GRIP1: variants seen among roughly 807,000 people sequenced by gnomAD.
GRIP1 encodes glutamate receptor-interacting protein 1.
GRIP1 carries 45 observed loss-of-function variants against 129.9 expected under a neutral mutation model. That is an observed-to-expected ratio of 0.35 (90% CI 0.27 to 0.44). GRIP1 has a LOEUF of 0.44. Ranked by LOEUF, GRIP1 falls within the 20% of genes least tolerant of loss-of-function variation. GRIP1 has a pLI of 1.00. For synonymous variants in GRIP1, 530 were observed against 520.8 expected (o/e 1.02, Z -0.24); for missense variants, 1,196 against 1,396.8 (o/e 0.86, Z 2.29).
intron 1 of GRIP1, among the ~76,000 whole-genome samples, chr12:66,889,689 T>C (rs2040625062): frequency 6.6e-6 from 1 of 152,228 alleles, no homozygotes; most frequent in African/African-American, 2.4e-5. Context: ...CTTAAGCTCA[T>C]AGTTTATTCT....
chr12:66,826,444 A>C (rs2039415277), intron 1 of GRIP1, among the ~76,000 whole-genome samples: 1 of 152,204 alleles, frequency 6.6e-6, no homozygotes, highest in South Asian at 2.1e-4. Context: ...CAGAACTTAA[A>C]GTATAAAAAA....
intron 1 of GRIP1, among the ~76,000 whole-genome samples, chr12:66,607,005 GAGAGAGAGAA>G (rs1257045805): frequency 7.1e-5 from 10 of 139,884 alleles, no homozygotes; most frequent in Admixed American, 6.9e-4. Context: ...GAGAGAGAGA[GAGAGAGAGAA>G]AGAGAGAGAG....
intron 23 of GRIP1, among the ~76,000 whole-genome samples, chr12:66,354,453 C>A (rs1036866349): frequency 1.6e-4 from 25 of 152,338 alleles, no homozygotes; most frequent in African/African-American, 5.8e-4. Flanking sequence ...CAGAGGCACA[C>A]ACATGAATAT....
chr12:66,841,190 G>A (rs554159179), intron 1 of GRIP1, among the ~76,000 whole-genome samples: 1 of 152,122 alleles, frequency 6.6e-6, no homozygotes, highest in Non-Finnish European at 1.5e-5. Context: ...ACGAAAATCT[G>A]AAAATCTGAG....
At chr12:66,396,248 C>T (rs2056784109) in intron 16 of GRIP1, among the ~76,000 whole-genome samples, 1 of 152,140 alleles carries the variant, frequency 6.6e-6, no homozygotes, top group Non-Finnish European at 1.5e-5. Context: ...TCAATGGGTG[C>T]CAAGCATTTT....
chr12:67,038,001 T>TAA (rs1166268779), intron 1 of GRIP1, among the ~76,000 whole-genome samples: 30 of 152,278 alleles, frequency 2.0e-4, no homozygotes, highest in African/African-American at 7.0e-4. Flanking sequence ...AAAAACTACT[T>TAA]ATCAACTTCA....
chr12:66,490,511 A>C (rs1395476395), intron 7 of GRIP1, among the ~76,000 whole-genome samples: 1 of 152,230 alleles, frequency 6.6e-6, no homozygotes, highest in East Asian at 1.9e-4. Context: ...TGTTAAACCC[A>C]AAACTATAAA....
At chr12:66,608,553 G>A (rs1344930342) in intron 1 of GRIP1, among the ~76,000 whole-genome samples, 1 of 152,046 alleles carries the variant, frequency 6.6e-6, no homozygotes, top group South Asian at 2.1e-4. Flanking sequence ...GGCTGTTCTC[G>A]AACTCCTGAC....
intron 1 of GRIP1, among the ~76,000 whole-genome samples, chr12:66,821,429 C>G (rs1338072066): frequency 2.0e-5 from 3 of 152,104 alleles, no homozygotes; most frequent in African/African-American, 4.8e-5. Context: ...AAGTCCAAAA[C>G]ACCCTGACAT....
intron 1 of GRIP1, among the ~76,000 whole-genome samples, chr12:66,695,292 CA>C (rs1454604677): frequency 3.3e-5 from 5 of 150,890 alleles, no homozygotes; most frequent in African/African-American, 1.2e-4. Flanking sequence ...TTTTTTATGG[CA>C]TCTGTTTACA....
At chr12:66,579,588 G>T in intron 2 of GRIP1, among the ~76,000 whole-genome samples, 1 of 152,156 alleles carries the variant, frequency 6.6e-6, no homozygotes, top group South Asian at 2.1e-4. Context: ...GAAAGCCAAG[G>T]CTCGAGAACT....
intron 1 of GRIP1, among the ~76,000 whole-genome samples, chr12:66,956,865 A>G (rs941565220): frequency 4.6e-5 from 7 of 152,176 alleles, no homozygotes; most frequent in African/African-American, 9.7e-5. Context: ...TAACATATCT[A>G]TATTTATTTC....
chr12:66,567,170 T>C lies in GRIP1; in HGVS notation c.137-25220A>G, dbSNP rs145091952. On this transcript the variant is annotated intron_variant, in intron 2 of 24. Coordinates refer to ENST00000359742, the MANE Select transcript of GRIP1 (RefSeq NM_001366722.1). Reference sequence around the variant, plus strand: ...GTTATTTCTTGCCTTCAGCTAGCTTTTGAATGTGTTTGCTCTTGCTTCTAT... The same window carrying C: ...GTTATTTCTTGCCTTCAGCTAGCTTCTGAATGTGTTTGCTCTTGCTTCTAT... Among the ~76,000 whole-genome samples, 1,498 of 152,318 alleles carry C rather than the reference T, an allele frequency of 9.8e-3. 33 individuals carry two copies. Among genetic ancestry groups the C allele is most frequent in the African/African-American group, 0.033 (1,377 of 41,564 alleles).
chr12:66,602,377 C>T lies in GRIP1; in HGVS notation c.56-5450G>A, dbSNP rs548580739. Among the ~76,000 whole-genome samples, 9 of 113,882 alleles carry T rather than the reference C, an allele frequency of 7.9e-5. No homozygotes were observed. In the South Asian group the frequency reaches 1.9e-3, roughly 24 times the overall value. 74.7% of individuals were successfully genotyped at this position (113,882 alleles called of 152,430 possible). ...CTCTTCTTGCTAAAATGATGTGTAA[C>T]TACAATCACGGGGGCCCCGCATAAT... On this transcript the variant is annotated intron_variant, in intron 1 of 24. Coordinates refer to ENST00000359742, the MANE Select transcript of GRIP1 (RefSeq NM_001366722.1).
intron 1 of GRIP1, among the ~76,000 whole-genome samples, chr12:66,614,189 T>A (rs1178777676): frequency 1.3e-5 from 2 of 151,958 alleles, no homozygotes; most frequent in African/African-American, 2.4e-5. Context: ...TGCTATCACA[T>A]CTACTTCCAT....
intron 1 of GRIP1, among the ~76,000 whole-genome samples, chr12:66,725,312 C>T (rs981391291): frequency 6.6e-6 from 1 of 151,648 alleles, no homozygotes; most frequent in African/African-American, 2.4e-5. Flanking sequence ...CAAAAAAACA[C>T]AAAAATCGAA....
chr12:66,947,470 T>C (rs1019152088), intron 1 of GRIP1, among the ~76,000 whole-genome samples: 2 of 152,218 alleles, frequency 1.3e-5, no homozygotes, highest in Admixed American at 1.3e-4. Flanking sequence ...TTGTTGCTGA[T>C]TAATCCCAAA....
chr12:66,565,793 T>G (rs2062734436), intron 2 of GRIP1, among the ~76,000 whole-genome samples: 1 of 152,194 alleles, frequency 6.6e-6, no homozygotes, highest in Admixed American at 6.5e-5. Context: ...TGTCCTCTTT[T>G]ATTTCGTTGA....
chr12:66,665,071 T>TGG (rs1189029848), intron 1 of GRIP1, among the ~76,000 whole-genome samples: 1 of 152,182 alleles, frequency 6.6e-6, no homozygotes, highest in East Asian at 1.9e-4. Context: ...TAGAGTGCAG[T>TGG]GGGGCGATCA....
Sources: gnomAD v4.1 joint callset for allele counts (sites outside exome capture counted in the v4.1 genomes callset) on GRCh38, gnomAD v4.1.1 for gene constraint, MANE v1.5 for transcripts, NCBI Gene and HGNC (gene_info 2026-07-23, HGNC 2026-07-21) for gene names.